The following SLC33A1 variants were observed in gnomAD, a reference collection of about 807,000 sequenced individuals.
The protein encoded by SLC33A1 is solute carrier family 33 member 1.
In SLC33A1, 20 loss-of-function variants were observed where a neutral mutation model predicts 50.0. The ratio of observed to expected loss-of-function variants is 0.40; its 90% CI spans 0.28 to 0.58. The LOEUF (loss-of-function observed/expected upper bound fraction) is 0.58. SLC33A1 is among the 20% of genes least tolerant of loss of function. SLC33A1 has a pLI of 0.44. For synonymous variants in SLC33A1, 265 were observed against 251.8 expected, an observed-to-expected ratio of 1.05 and a Z score of -0.50; for missense variants, 476 against 657.0, an observed-to-expected ratio of 0.72 and a Z score of 3.01.
rs888966384 is a variant in SLC33A1 at position 155,826,895 on chromosome 3, C to T, written c.*1315G>A. On this transcript the variant is annotated 3_prime_UTR_variant, in exon 6 of 6. Transcript: ENST00000643144. ...TGATAAAATTAAGACTCATAATGTA[C>T]TATCTTGTTTCGTCTAACTTTTGGA... is the stretch of plus-strand genomic sequence containing the variant. 8 of 152,128 alleles carry T rather than the reference C, an allele frequency of 5.3e-5. No individual in the cohort carries two copies. The highest frequency in any genetic ancestry group is 5.2e-4 in the Admixed American group (8 of 15,256). The allele number at this position is 152,128 out of a possible 1,614,324, so 9.4% of individuals were successfully genotyped here. A position where few individuals can be genotyped will look rare whatever the true frequency, so the allele number is the denominator to read the frequency against.
intron 1 of SLC33A1, among the ~76,000 whole-genome samples, chr3:155,852,614 T>A (rs980485801): frequency 6.6e-6 from 1 of 152,208 alleles, no homozygotes; most frequent in Admixed American, 6.5e-5. Flanking sequence ...GGAATCTTAT[T>A]CAAGAACAAA....
chr3:155,832,929 A>AT (rs982022055), intron 4 of SLC33A1, among the ~76,000 whole-genome samples: 14 of 149,484 alleles, frequency 9.4e-5, no homozygotes, highest in East Asian at 3.9e-4. Context: ...TTGTTGAATA[A>AT]TTTTTTTTTT....
intron 2 of SLC33A1, among the ~76,000 whole-genome samples, chr3:155,836,279 T>A (rs1459550175): frequency 1.3e-4 from 2 of 15,486 alleles, no homozygotes; most frequent in Non-Finnish European, 2.1e-4. Flanking sequence ...TGAGACTCTG[T>A]CAAAAAAAAA....
At chr3:155,836,228 G>A (rs1165673903) in intron 2 of SLC33A1, among the ~76,000 whole-genome samples, 5 of 125,186 alleles carry the variant, frequency 4.0e-5, no homozygotes, top group African/African-American at 1.5e-4. Flanking sequence ...AAGTTGCAGT[G>A]AGCCAAGATC....
At position 155,826,572 on chromosome 3, in the gene SLC33A1, A is replaced by G. The variant is rs1486623133; in HGVS notation, c.*1638T>C. 6.6e-6 allele frequency: 1 copy of G among 152,186 alleles called. No homozygotes were observed. The highest frequency in any genetic ancestry group is 1.5e-5 in the Non-Finnish European group (1 of 68,030). 9.4% of individuals were successfully genotyped at this position (152,186 alleles called of 1,614,324 possible). On this transcript the variant is annotated 3_prime_UTR_variant, in exon 6 of 6. Transcript: ENST00000643144. ...TTCAAGTAATCATTTAGACTCTAATACATGATAATGGACAACCATGTGACA... is the reference window on the plus strand; with the variant it reads ...TTCAAGTAATCATTTAGACTCTAATGCATGATAATGGACAACCATGTGACA...
intron 2 of SLC33A1, among the ~76,000 whole-genome samples, chr3:155,841,563 T>C (rs1752938565): frequency 6.6e-6 from 1 of 152,172 alleles, no homozygotes; most frequent in African/African-American, 2.4e-5. Flanking sequence ...ACTTACCTTA[T>C]TCTAGCCTAA....
intron 2 of SLC33A1, among the ~76,000 whole-genome samples, chr3:155,841,836 G>A (rs990014400): frequency 4.6e-5 from 7 of 151,856 alleles, no homozygotes; most frequent in East Asian, 3.9e-4. Flanking sequence ...CAACCTCTAC[G>A]TCCTGGGTTC....
intron 5 of SLC33A1, 121 bp from the exon 6 acceptor site, chr3:155,828,498 A>G: frequency 2.9e-6 from 2 of 682,824 alleles, no homozygotes; most frequent in Non-Finnish European, 2.6e-6. Flanking sequence ...TCAGTATTTC[A>G]CTGAATTCCA....
At chr3:155,838,015 T>C (rs983593460) in intron 2 of SLC33A1, among the ~76,000 whole-genome samples, 12 of 152,288 alleles carry the variant, frequency 7.9e-5, no homozygotes, top group East Asian at 1.9e-4. Context: ...TAATAATCTA[T>C]TGGCTGGCCA....
intron 4 of SLC33A1, among the ~76,000 whole-genome samples, chr3:155,831,759 T>C (rs1464529139): frequency 6.6e-6 from 1 of 152,132 alleles, no homozygotes; most frequent in Non-Finnish European, 1.5e-5. Context: ...TAACTAAGCA[T>C]GTGCAAAACA....
chr3:155,849,109 T>A (rs148145583), intron 1 of SLC33A1, among the ~76,000 whole-genome samples: 117 of 152,096 alleles, frequency 7.7e-4, no homozygotes, highest in African/African-American at 2.7e-3. Context: ...GAGCTGGGGT[T>A]TCACCATGTT....
chr3:155,846,403 T>C (rs1753175772), intron 1 of SLC33A1, among the ~76,000 whole-genome samples: 1 of 152,060 alleles, frequency 6.6e-6, no homozygotes, highest in African/African-American at 2.4e-5. Context: ...AAAAGGTTCA[T>C]ATTTTAGCTC....
At position 155,836,639 on chromosome 3, in the gene SLC33A1, G is replaced by A. The variant is rs551352359; in HGVS notation, c.964-2598C>T. Among the ~76,000 whole-genome samples, 89 of 152,344 alleles carry A rather than the reference G, an allele frequency of 5.8e-4. 1 individual carries two copies. Among genetic ancestry groups the A allele is most frequent in the Non-Finnish European group, 9.8e-4 (67 of 68,040 alleles). On this transcript the variant is annotated intron_variant, in intron 2 of 5. Coordinates refer to ENST00000643144, the MANE Select transcript of SLC33A1 (RefSeq NM_004733.4). ...TGGTCTGGCACAGTGGCTCATGCCTGTAAGCACAGCACTTTGGGAGGATGA... is the reference window on the plus strand; with the variant it reads ...TGGTCTGGCACAGTGGCTCATGCCTATAAGCACAGCACTTTGGGAGGATGA...
At chr3:155,830,249 T>C (rs972945119) in intron 4 of SLC33A1, among the ~76,000 whole-genome samples, 1 of 150,422 alleles carries the variant, frequency 6.6e-6, no homozygotes, top group African/African-American at 2.4e-5. Flanking sequence ...GGCAGGCGCC[T>C]GTAGTCCCAG....
Position 155,834,056 on chromosome 3 carries a change from C to A in SLC33A1, c.964-15G>T. On this transcript the variant is annotated splice_polypyrimidine_tract_variant and intron_variant, in intron 2 of 5. Transcript: ENST00000643144. ...GAAAAACCAATCTGCAATATAAAAA[C>A]AAAAAAGTATTTTAATTCGTGACTT... The A allele has an allele frequency of 5.0e-6, 8 of 1,606,392 alleles. No individual in the cohort carries two copies. Among genetic ancestry groups the A allele is most frequent in the Non-Finnish European group, 6.8e-6 (8 of 1,173,930 alleles).
At chr3:155,830,819 T>C (rs1377060254) in intron 4 of SLC33A1, among the ~76,000 whole-genome samples, 1 of 152,120 alleles carries the variant, frequency 6.6e-6, no homozygotes, top group Non-Finnish European at 1.5e-5. Context: ...AGAAAAGTAT[T>C]TCAAAATTTA....
intron 5 of SLC33A1, 117 bp from the exon 6 acceptor site, chr3:155,828,494 T>C: frequency 1.5e-6 from 1 of 687,094 alleles, no homozygotes; most frequent in East Asian, 2.7e-5. Flanking sequence ...CATTTCAGTA[T>C]TTCACTGAAT....
At chr3:155,836,745 T>C (rs1233599890) in intron 2 of SLC33A1, among the ~76,000 whole-genome samples, 3 of 152,082 alleles carry the variant, frequency 2.0e-5, no homozygotes, top group Admixed American at 2.0e-4. Flanking sequence ...AAATATTTTT[T>C]TTAATTTACT....
At chr3:155,836,298 AAAAAAAAAAAAAAAAG>A (rs1752665233) in intron 2 of SLC33A1, among the ~76,000 whole-genome samples, 2 of 139,834 alleles carry the variant, frequency 1.4e-5, no homozygotes, top group African/African-American at 5.7e-5. Flanking sequence ...AAAAAAAAAA[AAAAAAAAAAAAAAAAG>A]GAAAGAAAGA....
Sources: allele counts gnomAD v4.1 joint callset (sites outside exome capture counted in the v4.1 genomes callset), GRCh38; gene constraint gnomAD v4.1.1; transcripts MANE v1.5; gene names NCBI Gene and HGNC (gene_info 2026-07-23, HGNC 2026-07-21).